LRRC7: variants seen among roughly 807,000 people sequenced by gnomAD.
The protein encoded by LRRC7 is leucine-rich repeat-containing protein 7.
Under a neutral mutation model 175.7 loss-of-function variants are expected in LRRC7, and 23 were observed. The observed-to-expected ratio is 0.13, with a 90% CI of 0.09 to 0.19. The LOEUF is 0.19. LRRC7 is among the 10% of genes least tolerant of loss of function. LRRC7 has a pLI of 1.00. For missense variants in LRRC7, 1,354 were observed against 1,904.7 expected (o/e 0.71, Z 5.38); for synonymous variants, 685 against 680.9 (o/e 1.01, Z -0.09).
chr1:69,589,184 T>C (rs570075517), intron 1 of LRRC7, among the ~76,000 whole-genome samples: 1 of 150,716 alleles, frequency 6.6e-6, no homozygotes, highest in South Asian at 2.1e-4. Flanking sequence ...GAGAGAGACA[T>C]GCTGTGGGAG....
At chr1:69,848,399 C>T (rs371354504) in intron 7 of LRRC7, among the ~76,000 whole-genome samples, 2 of 152,052 alleles carry the variant, frequency 1.3e-5, no homozygotes, top group African/African-American at 2.4e-5. Context: ...CTGATTTTCA[C>T]CAGGCTCTCT....
intron 1 of LRRC7, among the ~76,000 whole-genome samples, chr1:69,573,833 G>C (rs1314272478): frequency 6.6e-6 from 1 of 152,108 alleles, no homozygotes; most frequent in Non-Finnish European, 1.5e-5. Context: ...GAAAGAAATA[G>C]TAGTTGTCAG....
At chr1:69,810,714 A>G (rs1266916159) in intron 4 of LRRC7, among the ~76,000 whole-genome samples, 1 of 152,238 alleles carries the variant, frequency 6.6e-6, no homozygotes, top group Non-Finnish European at 1.5e-5. Context: ...AAAACTGGCT[A>G]GCCATATGCA....
At chr1:69,849,527 C>T (rs1279041635) in intron 7 of LRRC7, among the ~76,000 whole-genome samples, 11 of 151,942 alleles carry the variant, frequency 7.2e-5, no homozygotes, top group Non-Finnish European at 1.5e-4. Flanking sequence ...TATGGATATA[C>T]ATTGTAAAAT....
intron 1 of LRRC7, among the ~76,000 whole-genome samples, chr1:69,654,169 A>G (rs566279489): frequency 1.3e-5 from 2 of 151,812 alleles, no homozygotes; most frequent in Non-Finnish European, 2.9e-5. Flanking sequence ...AATAGGCATG[A>G]TACTAAGCAC....
intron 12 of LRRC7, 145 bp from the exon 13 acceptor site, chr1:70,012,829 G>A (rs1656634048): frequency 3.1e-6 from 1 of 322,650 alleles, no homozygotes; most frequent in Non-Finnish European, 5.7e-6. Context: ...ATATTTTAAA[G>A]AGCTACATTA....
rs1240089356 is a variant in LRRC7, at chr1:69,781,729, AAGAAAGAGAGAGAG to A, written c.304-10310_304-10297del. On this transcript the variant is annotated intron_variant, in intron 3 of 26. Coordinates refer to ENST00000651989, the MANE Select transcript of LRRC7 (RefSeq NM_001370785.2). ...AAAGAAAGAAAGAAAGAAAGAAAGAAAGAAAGAGAGAGAGAGAGAGAGAGAGAGAGAGAGAGAAA... is the reference window on the plus strand; with the variant it reads ...AAAGAAAGAAAGAAAGAAAGAAAGAAAGAGAGAGAGAGAGAGAGAGAGAAA... 3.6e-4 allele frequency among the ~76,000 whole-genome samples: 12 copies of A among 32,942 alleles called. 2 individuals carry two copies. The highest frequency in any genetic ancestry group is 5.6e-4 in the African/African-American group (3 of 5,370). The allele number at this position is 32,942 out of a possible 152,430, so 21.6% of individuals were successfully genotyped here.
chr1:70,072,421 C>T (rs1662454624), intron 23 of LRRC7, among the ~76,000 whole-genome samples: 1 of 152,188 alleles, frequency 6.6e-6, no homozygotes, highest in Admixed American at 6.5e-5. Flanking sequence ...AAAACAACTT[C>T]CTCTTTACAG....
chr1:69,808,221 G>C lies in LRRC7; in HGVS notation c.421+16061G>C, dbSNP rs564531845. Reference sequence around the variant, plus strand: ...ATCTAACCTTTTTTCAAGGTTCTTAGCTTCCTTGCATTAGGTTAATAAAAC... The same window carrying C: ...ATCTAACCTTTTTTCAAGGTTCTTACCTTCCTTGCATTAGGTTAATAAAAC... On this transcript the variant is annotated intron_variant, in intron 4 of 26. Coordinates refer to ENST00000651989, the MANE Select transcript of LRRC7 (RefSeq NM_001370785.2). 4.3e-4 allele frequency among the ~76,000 whole-genome samples: 65 copies of C among 151,330 alleles called. 1 individual carries two copies. Among genetic ancestry groups the C allele is most frequent in the Non-Finnish European group, 8.6e-4 (58 of 67,740 alleles).
chr1:69,912,644 GC>G (rs1646567441), intron 7 of LRRC7, among the ~76,000 whole-genome samples: 1 of 152,094 alleles, frequency 6.6e-6, no homozygotes, highest in Non-Finnish European at 1.5e-5. Flanking sequence ...TTATATCTTT[GC>G]TGTGTAATCG....
At chr1:69,945,502 A>G (rs1412007811) in intron 8 of LRRC7, among the ~76,000 whole-genome samples, 3 of 152,006 alleles carry the variant, frequency 2.0e-5, no homozygotes, top group African/African-American at 7.2e-5. Context: ...TTGTGATTTC[A>G]TGCTTGTTTT....
chr1:70,009,530 G>A (rs564612524), intron 11 of LRRC7, among the ~76,000 whole-genome samples: 5 of 151,676 alleles, frequency 3.3e-5, no homozygotes, highest in African/African-American at 7.2e-5. Context: ...AAATTTAACC[G>A]GTTTACTGAT....
intron 5 of LRRC7, among the ~76,000 whole-genome samples, chr1:69,830,568 C>T (rs1308288760): frequency 1.3e-5 from 2 of 151,458 alleles, no homozygotes; most frequent in African/African-American, 4.8e-5. Context: ...ATAATTTTTC[C>T]CAGGAATAGA....
intron 8 of LRRC7, among the ~76,000 whole-genome samples, chr1:69,954,888 G>A (rs1650332856): frequency 6.6e-6 from 1 of 151,980 alleles, no homozygotes; most frequent in Non-Finnish European, 1.5e-5. Context: ...ATAGTTATTA[G>A]CAATCTACTG....
At chr1:70,059,474 A>ATGTGTGTGTGT (rs1661405690) in intron 23 of LRRC7, among the ~76,000 whole-genome samples, 8 of 132,288 alleles carry the variant, frequency 6.0e-5, no homozygotes, top group South Asian at 2.7e-4. Flanking sequence ...ACTAGAAGAA[A>ATGTGTGTGTGT]GTGTGTGTGT....
At chr1:69,647,609 G>T (rs930146661) in intron 1 of LRRC7, among the ~76,000 whole-genome samples, 3 of 150,924 alleles carry the variant, frequency 2.0e-5, no homozygotes, top group Non-Finnish European at 3.0e-5. Context: ...TTTTTCTAAA[G>T]CCTATAGGCC....
chr1:69,779,452 T>C (rs1673228733), intron 3 of LRRC7, among the ~76,000 whole-genome samples: 1 of 152,206 alleles, frequency 6.6e-6, no homozygotes, highest in Non-Finnish European at 1.5e-5. Flanking sequence ...GATATGTAAG[T>C]TAAATAACAT....
At chr1:69,865,592 T>G (rs1446668647) in intron 7 of LRRC7, among the ~76,000 whole-genome samples, 2 of 148,302 alleles carry the variant, frequency 1.3e-5, no homozygotes, top group African/African-American at 5.0e-5. Flanking sequence ...GCCATTCTCC[T>G]GCCTCAGCCT....
intron 26 of LRRC7, among the ~76,000 whole-genome samples, chr1:70,109,170 C>T (rs1329458342): frequency 1.3e-5 from 2 of 151,964 alleles, no homozygotes; most frequent in Non-Finnish European, 2.9e-5. Flanking sequence ...TACAGGAATG[C>T]GCCACCACAC....
Sources: allele counts gnomAD v4.1 joint callset (sites outside exome capture counted in the v4.1 genomes callset), GRCh38; gene constraint gnomAD v4.1.1; transcripts MANE v1.5; gene names NCBI Gene and HGNC (gene_info 2026-07-23, HGNC 2026-07-21).